APPBP2: variants seen among roughly 807,000 people sequenced by gnomAD.
APPBP2 encodes the protein amyloid beta precursor protein binding protein 2.
A neutral mutation model predicts 76.0 loss-of-function variants in APPBP2; 15 were observed. That is an observed-to-expected ratio of 0.20 (90% CI 0.13 to 0.30). The LOEUF is 0.30. Ranked by LOEUF, APPBP2 falls within the 10% of genes least tolerant of loss-of-function variation. The pLI is 1.00. For synonymous variants in APPBP2, 222 were observed against 242.2 expected, an observed-to-expected ratio of 0.92 and a Z score of 0.77; for missense variants, 401 against 687.2, an observed-to-expected ratio of 0.58 and a Z score of 4.66.
intron 4 of APPBP2, among the ~76,000 whole-genome samples, chr17:60,469,515 C>T (rs541791768): frequency 6.6e-6 from 1 of 152,072 alleles, no homozygotes; most frequent in African/African-American, 2.4e-5. Context: ...TGTCATGCAA[C>T]CATCAATACT....
In APPBP2 at chr17:60,502,859, C is replaced by CA. The variant is rs1230190558; in HGVS notation, c.139-2373dup. On this transcript the variant is annotated intron_variant, in intron 1 of 12. Transcript: ENST00000083182. ...GAGCAAAACTCTGTCTCAAAAAAAACAAAAAAAGAATAAACAAAAACAAGT... is the reference window on the plus strand; with the variant it reads ...GAGCAAAACTCTGTCTCAAAAAAAACAAAAAAAAGAATAAACAAAAACAAGT... 4.1e-5 allele frequency among the ~76,000 whole-genome samples: 6 copies of CA among 145,536 alleles called. 1 individual carries two copies. The highest frequency in any genetic ancestry group is 1.7e-4 in the African/African-American group (6 of 35,532).
At chr17:60,481,940 T>C (rs2090633496) in intron 3 of APPBP2, among the ~76,000 whole-genome samples, 1 of 152,334 alleles carries the variant, frequency 6.6e-6, no homozygotes, top group South Asian at 2.1e-4. Flanking sequence ...TAGAGTGCAA[T>C]AGCGTGATCT....
At chr17:60,451,371 T>C (rs530388349) in intron 12 of APPBP2, among the ~76,000 whole-genome samples, 1 of 152,340 alleles carries the variant, frequency 6.6e-6, no homozygotes, top group South Asian at 2.1e-4. Flanking sequence ...AAAGCACCTT[T>C]AGCAAAATGT....
intron 2 of APPBP2, among the ~76,000 whole-genome samples, 199 bp downstream of exon 2, chr17:60,500,200 C>A (rs1405206810): frequency 1.3e-5 from 2 of 151,900 alleles, no homozygotes; most frequent in Non-Finnish European, 2.9e-5. Flanking sequence ...TTAGTAGAGA[C>A]AGGGTTTCAT....
At chr17:60,513,408 C>T in intron 1 of APPBP2, 1 of 669,590 alleles carries the variant, frequency 1.5e-6, no homozygotes. Flanking sequence ...TTGTGATCAC[C>T]TATCGGGATT....
chr17:60,525,771 G>A (rs747061004), intron 1 of APPBP2, 23 bp downstream of exon 1: 11 of 1,613,460 alleles, frequency 6.8e-6, no homozygotes, highest in Non-Finnish European at 9.3e-6. Flanking sequence ...GAGGAGAGCA[G>A]AGAGGAGGCC....
At chr17:60,493,217 C>G (rs1480740196) in intron 3 of APPBP2, among the ~76,000 whole-genome samples, 1 of 152,042 alleles carries the variant, frequency 6.6e-6, no homozygotes, top group Non-Finnish European at 1.5e-5. Context: ...TATAAATTAC[C>G]CAGTCTCGGG....
chr17:60,513,075 G>A (rs2090930870), intron 1 of APPBP2: 1 of 203,086 alleles, frequency 4.9e-6, no homozygotes, highest in East Asian at 1.3e-4. Flanking sequence ...GCAGTACTTG[G>A]GTGTTGATGT....
intron 1 of APPBP2, chr17:60,513,488 G>A (rs182497720): frequency 2.8e-4 from 157 of 563,776 alleles, no homozygotes; most frequent in Non-Finnish European, 1.5e-4. Flanking sequence ...AGATGGACAC[G>A]AAGAAGGAGG....
At chr17:60,514,124 C>T (rs546040941) in intron 1 of APPBP2, among the ~76,000 whole-genome samples, 89 of 151,516 alleles carry the variant, frequency 5.9e-4, no homozygotes, top group Middle Eastern at 3.4e-3. Flanking sequence ...CTGAACAATG[C>T]GGCAAAATCT....
intron 3 of APPBP2, 96 bp downstream of exon 3, chr17:60,494,370 C>T (rs529680685): frequency 1.1e-5 from 15 of 1,386,508 alleles, no homozygotes; most frequent in East Asian, 2.3e-5. Flanking sequence ...AACCTTCTTA[C>T]GTAGACTTTG....
chr17:60,509,200 T>C (rs1006789978), intron 1 of APPBP2, among the ~76,000 whole-genome samples: 1 of 151,458 alleles, frequency 6.6e-6, no homozygotes, highest in African/African-American at 2.4e-5. Context: ...GCCAGCATGG[T>C]GAAACCCCAT....
chr17:60,510,131 A>G (rs1408209369), intron 1 of APPBP2, among the ~76,000 whole-genome samples: 2 of 151,998 alleles, frequency 1.3e-5, no homozygotes, highest in Admixed American at 6.6e-5. Context: ...AGGCTGGCAC[A>G]GTGGCTCACA....
chr17:60,491,323 A>T (rs1208148473), intron 3 of APPBP2, among the ~76,000 whole-genome samples: 1 of 152,156 alleles, frequency 6.6e-6, no homozygotes, highest in Non-Finnish European at 1.5e-5. Context: ...AACTTGAGGG[A>T]GATGATTTAG....
chr17:60,473,466 C>T (rs1256555497), intron 4 of APPBP2, among the ~76,000 whole-genome samples: 3 of 152,206 alleles, frequency 2.0e-5, no homozygotes, highest in African/African-American at 7.2e-5. Flanking sequence ...AATATTTTTG[C>T]CAACTCATAT....
rs562660070 is a variant in APPBP2, at chr17:60,475,282, T to G, written c.503+3866A>C. Among the ~76,000 whole-genome samples, 256 of 152,176 alleles carry G rather than the reference T, an allele frequency of 1.7e-3. 2 individuals are homozygous for G. The highest frequency in any genetic ancestry group is 6.0e-3 in the African/African-American group (250 of 41,522). On this transcript the variant is annotated intron_variant, in intron 4 of 12. Transcript: ENST00000083182. ...GACTCAGACATAACATGACATGACATAACATAACATGATAGTTTCATTATA... is the reference window on the plus strand; with the variant it reads ...GACTCAGACATAACATGACATGACAGAACATAACATGATAGTTTCATTATA...
At chr17:60,472,638 G>A (rs915956457) in intron 4 of APPBP2, among the ~76,000 whole-genome samples, 3 of 152,186 alleles carry the variant, frequency 2.0e-5, no homozygotes, top group African/African-American at 4.8e-5. Context: ...CGTGGAATCT[G>A]CACCTGACAC....
At chr17:60,486,633 T>C (rs2090680528) in intron 3 of APPBP2, among the ~76,000 whole-genome samples, 2 of 152,188 alleles carry the variant, frequency 1.3e-5, no homozygotes, top group African/African-American at 4.8e-5. Flanking sequence ...CTGATGGGTT[T>C]TGCGTCTTTA....
chr17:60,461,650 C>T (rs1025890727), intron 8 of APPBP2, 160 bp downstream of exon 8: 1 of 520,186 alleles, frequency 1.9e-6, no homozygotes, highest in South Asian at 3.5e-5. Context: ...TTAACTTTTA[C>T]ACCTTCTAGG....
Sources: gnomAD v4.1 joint callset for allele counts (sites outside exome capture counted in the v4.1 genomes callset) on GRCh38, gnomAD v4.1.1 for gene constraint, MANE v1.5 for transcripts, NCBI Gene and HGNC (gene_info 2026-07-23, HGNC 2026-07-21) for gene names.